LYN: variants seen among roughly 807,000 people sequenced by gnomAD.
The protein encoded by LYN is LYN proto-oncogene, Src family tyrosine kinase, also known as tyrosine-protein kinase Lyn.
LYN carries 12 observed loss-of-function variants against 65.0 expected under a neutral mutation model. The ratio of observed to expected loss-of-function variants is 0.18; its 90% CI spans 0.12 to 0.30. The LOEUF (loss-of-function observed/expected upper bound fraction) is 0.30, where lower values mean the gene tolerates loss of function less well. Among genes scored for constraint, LYN ranks in the 10% least tolerant of loss-of-function variants. The pLI is 1.00. For synonymous variants in LYN, 222 were observed against 221.2 expected, an observed-to-expected ratio of 1.00 and a Z score of -0.03; for missense variants, 380 against 623.2, an observed-to-expected ratio of 0.61 and a Z score of 4.16.
chr8:55,880,926 G>C (rs996407744), intron 1 of LYN, among the ~76,000 whole-genome samples: 3 of 152,168 alleles, frequency 2.0e-5, no homozygotes, highest in African/African-American at 7.2e-5. Context: ...GTGGATTAGC[G>C]GTTGTGTTTT....
chr8:55,897,230 T>G (rs547779277), intron 1 of LYN, among the ~76,000 whole-genome samples: 158 of 152,328 alleles, frequency 1.0e-3, no homozygotes, highest in South Asian at 2.9e-3. Flanking sequence ...ATTAGAACTT[T>G]GATTCATGTG....
intron 1 of LYN, among the ~76,000 whole-genome samples, chr8:55,930,740 A>T (rs1216136713): frequency 6.6e-6 from 1 of 152,104 alleles, no homozygotes; most frequent in East Asian, 1.9e-4. Flanking sequence ...TTGATGGGGG[A>T]CCAAGACCTG....
chr8:55,904,209 A>G (rs1346818531), intron 1 of LYN, among the ~76,000 whole-genome samples: 1 of 152,198 alleles, frequency 6.6e-6, no homozygotes, highest in Non-Finnish European at 1.5e-5. Flanking sequence ...AATAAAATAT[A>G]CCCTGAAGCT....
intron 1 of LYN, among the ~76,000 whole-genome samples, chr8:55,925,616 GA>G (rs1227543985): frequency 6.6e-6 from 1 of 152,106 alleles, no homozygotes; most frequent in Non-Finnish European, 1.5e-5. Context: ...GCCATGCGGG[GA>G]TGGGCGTTAT....
At chr8:56,008,508 A>C (rs1808734910) in intron 12 of LYN, among the ~76,000 whole-genome samples, 1 of 152,250 alleles carries the variant, frequency 6.6e-6, no homozygotes, top group Non-Finnish European at 1.5e-5. Flanking sequence ...AATATGCAAA[A>C]CATACAGGTG....
chr8:55,946,530 CT>C, intron 3 of LYN, 37 bp downstream of exon 3: 1 of 1,358,528 alleles, frequency 7.4e-7, no homozygotes, highest in Non-Finnish European at 1.0e-6. Flanking sequence ...AATTTTTTTT[CT>C]TTACTATTAG....
At chr8:55,922,908 A>G (rs566779633) in intron 1 of LYN, among the ~76,000 whole-genome samples, 17 of 152,204 alleles carry the variant, frequency 1.1e-4, no homozygotes, top group Non-Finnish European at 1.8e-4. Flanking sequence ...TGTAGCAATT[A>G]ATATTAGGTA....
intron 1 of LYN, among the ~76,000 whole-genome samples, chr8:55,908,770 T>G (rs1331883251): frequency 6.6e-6 from 1 of 151,740 alleles, no homozygotes; most frequent in African/African-American, 2.4e-5. Flanking sequence ...AAGTCTCCAT[T>G]GCCTGTCATT....
At position 55,953,724 on chromosome 8, in the gene LYN, C is replaced by G; in HGVS notation, c.638-108C>G. On this transcript the variant is annotated intron_variant, in intron 7 of 12. Transcript: ENST00000519728. The stretch of plus-strand genomic sequence containing the variant: ...TCAAGGATGCATTTTAGTTCACAGA[C>G]TGCGGCAGGTTGGACACTATAAGGC... 3 of 888,978 alleles carry G rather than the reference C, an allele frequency of 3.4e-6. No individual in the cohort carries two copies. In the South Asian group the frequency reaches 6.3e-5, roughly 19 times the overall value. 55.1% of individuals were successfully genotyped at this position (888,978 alleles called of 1,614,324 possible).
At chr8:55,923,656 C>T (rs1008747851) in intron 1 of LYN, among the ~76,000 whole-genome samples, 13 of 152,086 alleles carry the variant, frequency 8.5e-5, no homozygotes, top group African/African-American at 2.9e-4. Context: ...TCTCCTGCCT[C>T]GGCCTCTTGA....
chr8:55,943,718 A>G (rs923154704), intron 2 of LYN, among the ~76,000 whole-genome samples: 3 of 152,182 alleles, frequency 2.0e-5, no homozygotes, highest in Admixed American at 6.5e-5. Context: ...CCCTGAAGGT[A>G]GGAAATATCT....
At chr8:56,002,707 T>C (rs896382933) in intron 12 of LYN, among the ~76,000 whole-genome samples, 2 of 151,984 alleles carry the variant, frequency 1.3e-5, no homozygotes, top group African/African-American at 4.8e-5. Flanking sequence ...TATGTTTCTC[T>C]CTATATGGAA....
chr8:55,953,728 G>T, intron 7 of LYN, 104 bp from the exon 8 acceptor site: 1 of 920,118 alleles, frequency 1.1e-6, no homozygotes, highest in South Asian at 2.1e-5. Context: ...CACAGACTGC[G>T]GCAGGTTGGA....
Position 55,887,575 on chromosome 8 carries a change from T to TACACACAC in LYN, c.-6+7494_-6+7501dup, listed in dbSNP as rs372547745. ...AAATATAAATATATATATATATATA[T>TACACACAC]ACACACACACACACACACACACACA... On this transcript the variant is annotated intron_variant, in intron 1 of 12. Coordinates refer to ENST00000519728, the MANE Select transcript of LYN (RefSeq NM_002350.4). Among the ~76,000 whole-genome samples, 61 of 93,446 alleles carry TACACACAC rather than the reference T, an allele frequency of 6.5e-4. 1 individual carries two copies. The highest frequency in any genetic ancestry group is 2.4e-3 in the East Asian group (6 of 2,478). 61.3% of individuals were successfully genotyped at this position (93,446 alleles called of 152,430 possible). A position where few individuals can be genotyped will look rare whatever the true frequency, so the allele number is the denominator to read the frequency against.
intron 12 of LYN, among the ~76,000 whole-genome samples, chr8:56,005,980 G>A (rs1185740914): frequency 1.3e-5 from 2 of 152,012 alleles, no homozygotes; most frequent in Non-Finnish European, 2.9e-5. Context: ...AGCAACTCAG[G>A]AGGCTAAGGT....
At chr8:55,959,902 G>T (rs979032764) in intron 8 of LYN, among the ~76,000 whole-genome samples, 7 of 152,226 alleles carry the variant, frequency 4.6e-5, no homozygotes, top group Admixed American at 2.0e-4. Context: ...TTAAGTGAAA[G>T]AAATCAGGCC....
chr8:55,912,044 T>C (rs1731250337), intron 1 of LYN, among the ~76,000 whole-genome samples: 1 of 152,148 alleles, frequency 6.6e-6, no homozygotes, highest in South Asian at 2.1e-4. Context: ...AGTGTTTCCC[T>C]GCTCAAATGG....
intron 1 of LYN, among the ~76,000 whole-genome samples, chr8:55,916,758 T>G (rs1307191729): frequency 6.6e-6 from 1 of 152,252 alleles, no homozygotes; most frequent in African/African-American, 2.4e-5. Context: ...AATACTGCAA[T>G]GGCACCTTAG....
At chr8:55,993,266 T>C (rs1032070314) in intron 10 of LYN, among the ~76,000 whole-genome samples, 1 of 152,238 alleles carries the variant, frequency 6.6e-6, no homozygotes, top group Non-Finnish European at 1.5e-5. Flanking sequence ...GTTTTGCATG[T>C]ACTTCCTGAA....
Sources: gnomAD v4.1 joint callset for allele counts (sites outside exome capture counted in the v4.1 genomes callset) on GRCh38, gnomAD v4.1.1 for gene constraint, MANE v1.5 for transcripts, NCBI Gene and HGNC (gene_info 2026-07-23, HGNC 2026-07-21) for gene names.